CRB2: variants seen among roughly 807,000 people sequenced by gnomAD.
The protein encoded by CRB2 is protein crumbs homolog 2.
CRB2 carries 85 observed loss-of-function variants against 110.9 expected under a neutral mutation model. The observed-to-expected ratio is 0.77, with a 90% CI of 0.64 to 0.92. The LOEUF is 0.92. Ranked by LOEUF, CRB2 falls within the 40% of genes least tolerant of loss-of-function variation. The probability of loss-of-function intolerance (pLI) is 0.00; values close to 1 mark genes in which losing one functional copy is unlikely to be tolerated. For missense variants in CRB2, 1,843 were observed against 1,851.3 expected (o/e 1.00, Z 0.08); for synonymous variants, 907 against 831.0 (o/e 1.09, Z -1.57).
At chr9:123,357,252 G>A (rs2041810374) in intron 1 of CRB2, among the ~76,000 whole-genome samples, 1 of 152,108 alleles carries the variant, frequency 6.6e-6, no homozygotes, top group South Asian at 2.1e-4. Flanking sequence ...CCTCCTGGGG[G>A]GTCCAAGGGA....
upstream of CRB2, among the ~76,000 whole-genome samples, chr9:123,355,570 C>G (rs529079728): frequency 3.2e-5 from 3 of 94,144 alleles, no homozygotes; most frequent in Non-Finnish European, 6.2e-5. Context: ...TGTGTGTGGT[C>G]GGGTGGGACG....
chr9:123,367,120 G>C (rs2041943607), intron 4 of CRB2, 52 bp from the exon 5 acceptor site: 1 of 1,506,700 alleles, frequency 6.6e-7, no homozygotes, highest in African/African-American at 1.4e-5. Flanking sequence ...TAGTGAAGAG[G>C]TGCTGCCCGG....
At chr9:123,356,133 G>A (rs10985983), upstream of CRB2, 104,072 of 532,478 alleles carry the variant, frequency 0.2, 11,890 homozygotes, top group East Asian at 0.25. Context: ...CGGTGGCGGG[G>A]AGGGGAGGGA....
intron 1 of CRB2, among the ~76,000 whole-genome samples, chr9:123,359,441 G>GTTTTTGTTTTT (rs2041838330): frequency 2.1e-5 from 2 of 94,442 alleles, no homozygotes; most frequent in African/African-American, 1.2e-4. Flanking sequence ...TTTTTGTTTT[G>GTTTTTGTTTTT]TTTTTTTTTT....
In CRB2 at chr9:123,369,611, G is replaced by A. The variant is rs147695547; in HGVS notation, c.1055-497G>A. 5.4e-4 allele frequency among the ~76,000 whole-genome samples: 82 copies of A among 152,236 alleles called. 1 individual carries two copies. In the East Asian group the frequency reaches 6.9e-3, roughly 13 times the overall value. ...CAGGAAATGCTCGGAGGAATGGGAC[G>A]TTCAAGATTTGTGGGAAGCAGGATT... On this transcript the variant is annotated intron_variant, in intron 6 of 12. Transcript: ENST00000373631.
intron 12 of CRB2, among the ~76,000 whole-genome samples, chr9:123,376,001 C>T (rs1440996460): frequency 6.6e-6 from 1 of 152,086 alleles, no homozygotes; most frequent in Non-Finnish European, 1.5e-5. Flanking sequence ...GGGTCATAAA[C>T]CACAAATCCC....
At chr9:123,365,596 T>G (rs769029392) in intron 2 of CRB2, among the ~76,000 whole-genome samples, 1 of 152,238 alleles carries the variant, frequency 6.6e-6, no homozygotes, top group Non-Finnish European at 1.5e-5. Flanking sequence ...CCCCGGCTAT[T>G]GCTTTCCCAA....
chr9:123,357,920 G>A lies in CRB2; in HGVS notation c.94+1566G>A, dbSNP rs2041819057. Among the ~76,000 whole-genome samples the A allele has an allele frequency of 2.0e-5, 3 of 152,266 alleles. No individual in the cohort carries two copies. The South Asian group carries it at 6.2e-4, about 31-fold the overall frequency. ...CATTCACACTCAGTGTGCACTCACA[G>A]GGGACCTGGAGGCACAGAGTGGATG... On this transcript the variant is annotated intron_variant, in intron 1 of 12. Coordinates refer to ENST00000373631, the MANE Select transcript of CRB2 (RefSeq NM_173689.7).
rs760625103 is a variant in CRB2 at position 123,372,268 on chromosome 9, C to A, written c.2528C>A (p.Ala843Asp). The A allele has an allele frequency of 6.2e-7, 1 of 1,613,700 alleles. No homozygotes were observed. Among genetic ancestry groups the A allele is most frequent in the Non-Finnish European group, 8.5e-7 (1 of 1,179,782 alleles). ...GCCAATTTCACGGGGCCTACGTGTG[C>A]CCAGCAGCTGTGGTGTCCCGGCCAG... The part of the protein sequence containing the change: ...CPANFTGPTC[A>D]QQLWCPGQPC... Residue 843 changes from alanine to aspartate, a missense_variant, in exon 9 of 13, where the codon GCC becomes GAC. Physicochemically the swap from Ala to Asp is moderately radical, Grantham distance 126. Transcript: ENST00000373631.
At position 123,370,468 on chromosome 9, in the gene CRB2, G is replaced by A. The variant is rs865783695; in HGVS notation, c.1415G>A (p.Gly472Glu). 2.5e-6 allele frequency: 4 copies of A among 1,613,324 alleles called. No individual in the cohort carries two copies. The African/African-American group carries it at 5.3e-5, about 22-fold the overall frequency. Residue 472 changes from glycine to glutamate, a missense_variant, in exon 7 of 13, where the codon GGG becomes GAG. Transcript: ENST00000373631. The stretch of plus-strand genomic sequence containing the variant: ...AGGTTTCGCACCACACTGCCCGCTG[G>A]GACCTTGGCCACTCGCAATGACACC... ...ALRFRTTLPA[G>E]TLATRNDTKE... is the part of the protein sequence containing the mutation.
intron 6 of CRB2, 40 bp from the exon 7 acceptor site, chr9:123,370,068 C>T (rs747803718): frequency 6.5e-7 from 1 of 1,549,196 alleles, no homozygotes; most frequent in Non-Finnish European, 8.7e-7. Flanking sequence ...GTGATTCTGG[C>T]CCCAGACATT....
intron 4 of CRB2, among the ~76,000 whole-genome samples, 188 bp downstream of exon 4, chr9:123,366,554 G>A (rs1036667766): frequency 6.6e-6 from 1 of 152,222 alleles, no homozygotes; most frequent in Non-Finnish European, 1.5e-5. Context: ...TGATCGTAGC[G>A]CCTGCTCCTG....
intron 6 of CRB2, among the ~76,000 whole-genome samples, chr9:123,368,381 G>A (rs989850044): frequency 2.6e-5 from 4 of 152,142 alleles, no homozygotes; most frequent in Non-Finnish European, 4.4e-5. Flanking sequence ...TGGGGGTCCC[G>A]AAGGCCCATC....
Position 123,370,116 on chromosome 9 carries a change from T to C in CRB2, c.1063T>C (p.Cys355Arg), listed in dbSNP as rs374856766. 6.3e-6 allele frequency: 10 copies of C among 1,584,736 alleles called. No individual in the cohort carries two copies. The highest frequency in any genetic ancestry group is 8.6e-6 in the Non-Finnish European group (10 of 1,163,138). ...HCPDGYAGPTCEEDVDECLSD... is the reference protein window; with the variant it reads ...HCPDGYAGPTREEDVDECLSD... The stretch of plus-strand genomic sequence containing the variant: ...CTTTGTCTCTCCCAAAGGGCCGACA[T>C]GTGAGGAAGATGTGGATGAATGCCT... Residue 355 changes from cysteine to arginine, a missense_variant, in exon 7 of 13, where the codon TGT (cysteine) becomes CGT (arginine). Cys to Arg is a radical substitution (Grantham distance 180). Coordinates refer to ENST00000373631, the MANE Select transcript of CRB2 (RefSeq NM_173689.7).
Position 123,356,237 on chromosome 9 carries a change from G to A in CRB2, c.-24G>A, listed in dbSNP as rs1564366394. ...CCGCCCTCCCGTTCTCACAGCAGCC[G>A]AGCAGAGCGCAGAGCGGGCTGCCAT... On this transcript the variant is annotated 5_prime_UTR_variant, in exon 1 of 13. Coordinates refer to ENST00000373631, the MANE Select transcript of CRB2 (RefSeq NM_173689.7). 1.2e-5 allele frequency: 15 copies of A among 1,261,014 alleles called. No individual in the cohort carries two copies. The highest frequency in any genetic ancestry group is 8.2e-5 in the Admixed American group (2 of 24,252). 78.1% of individuals were successfully genotyped at this position (1,261,014 alleles called of 1,614,324 possible).
Position 123,367,363 on chromosome 9 carries a change from C to A in CRB2, c.940+6C>A, listed in dbSNP as rs1341047582. ...CTGCCCTCCTGGCTTTGAGGGTGAG[C>A]CCCTGCTGGGGAAGCGGTCAGCCCA... On this transcript the variant is annotated splice_donor_region_variant and intron_variant, in intron 5 of 12. Transcript: ENST00000373631. The A allele has an allele frequency of 6.3e-7, 1 of 1,597,446 alleles. No homozygotes were observed. The highest frequency in any genetic ancestry group is 8.5e-7 in the Non-Finnish European group (1 of 1,178,796).
chr9:123,372,398 A>C (rs2042030003), intron 9 of CRB2, 56 bp downstream of exon 9: 6 of 1,537,426 alleles, frequency 3.9e-6, no homozygotes, highest in Admixed American at 2.0e-5. Context: ...TAAGCTGGTT[A>C]GATCCCATCT....
rs2041886766 is a variant in CRB2, at chr9:123,363,042, G to A, written c.272G>A (p.Gly91Asp). 1.2e-6 allele frequency: 2 copies of A among 1,611,788 alleles called. No homozygotes were observed. The highest frequency in any genetic ancestry group is 1.7e-6 in the Non-Finnish European group (2 of 1,179,926). ...LCVPQGPDPT[G>D]FRCYCVPGFQ... The stretch of plus-strand genomic sequence containing the variant: ...GTGCCCCAGGGTCCAGATCCCACCG[G>A]CTTCCGCTGCTACTGCGTGCCGGGT... Residue 91 changes from glycine (G) to aspartate (D), a missense_variant, in exon 2 of 13, where the codon GGC becomes GAC. Coordinates refer to ENST00000373631, the MANE Select transcript of CRB2 (RefSeq NM_173689.7).
chr9:123,354,110 G>A (rs12005737), upstream of CRB2, among the ~76,000 whole-genome samples: 20,105 of 152,182 alleles, frequency 0.13, 1,670 homozygotes, highest in African/African-American at 0.22. Flanking sequence ...TCTGACCTCC[G>A]TCCTGCCTGC....
Sources: gnomAD v4.1 joint callset for allele counts (sites outside exome capture counted in the v4.1 genomes callset) on GRCh38, gnomAD v4.1.1 for gene constraint, MANE v1.5 for transcripts, NCBI Gene and HGNC (gene_info 2026-07-23, HGNC 2026-07-21) for gene names.